DNAH11: variants seen among roughly 807,000 people sequenced by gnomAD.
DNAH11 encodes axonemal beta dynein heavy chain 11.
Under a neutral mutation model 526.0 loss-of-function variants are expected in DNAH11, and 442 were observed. The ratio of observed to expected loss-of-function variants is 0.84; its 90% CI spans 0.78 to 0.91. The LOEUF (loss-of-function observed/expected upper bound fraction) is 0.91. Among genes scored for constraint, DNAH11 ranks in the 40% least tolerant of loss-of-function variants. The pLI is 0.00. For synonymous variants in DNAH11, 2,461 were observed against 1,935.9 expected (o/e 1.27, Z -7.12); for missense variants, 6,989 against 5,448.7 (o/e 1.28, Z -8.90).
At chr7:21,801,040 T>C in intron 61 of DNAH11, 97 bp from the exon 62 acceptor site, 1 of 1,292,798 alleles carries the variant, frequency 7.7e-7, no homozygotes, top group Non-Finnish European at 1.1e-6. Context: ...GGGAAGAGGT[T>C]TGTCCATTTA....
intron 76 of DNAH11, 144 bp downstream of exon 76, chr7:21,884,554 A>C (rs1784051487): frequency 4.4e-6 from 4 of 908,088 alleles, no homozygotes. Flanking sequence ...AGAAAAGCGG[A>C]ATCTCGGGTT....
intron 30 of DNAH11, among the ~76,000 whole-genome samples, chr7:21,662,306 A>G (rs1428069953): frequency 2.0e-5 from 3 of 152,114 alleles, no homozygotes; most frequent in Non-Finnish European, 2.9e-5. Flanking sequence ...GAATTTTGTA[A>G]CATGTGTGCC....
intron 68 of DNAH11, among the ~76,000 whole-genome samples, chr7:21,861,212 A>G (rs1355982866): frequency 6.6e-6 from 1 of 152,216 alleles, no homozygotes; most frequent in Admixed American, 6.5e-5. Flanking sequence ...AACATGAAAA[A>G]GCTCTGGCAT....
chr7:21,564,132 GA>G (rs60940743), intron 5 of DNAH11, 53 bp from the exon 6 acceptor site: 22,893 of 1,131,226 alleles, frequency 0.02, no homozygotes, highest in South Asian at 0.026. Context: ...AGTGAATTTA[GA>G]AAAAAAAAAA....
At chr7:21,619,030 C>A in intron 23 of DNAH11, 70 bp from the exon 24 acceptor site, 1 of 1,592,048 alleles carries the variant, frequency 6.3e-7, no homozygotes, top group Non-Finnish European at 8.6e-7. Context: ...ATTCATTTCA[C>A]CAGCCTTTAG....
intron 61 of DNAH11, among the ~76,000 whole-genome samples, chr7:21,789,660 G>T (rs969386615): frequency 6.6e-6 from 1 of 152,030 alleles, no homozygotes; most frequent in East Asian, 1.9e-4. Context: ...TTATATCTTG[G>T]CTCCACTGTT....
intron 74 of DNAH11, 129 bp downstream of exon 74, chr7:21,873,630 G>A: frequency 1.2e-6 from 1 of 827,356 alleles, no homozygotes; most frequent in Non-Finnish European, 1.9e-6. Flanking sequence ...CATGTGGAAG[G>A]GTAGGGGTGG....
At chr7:21,871,297 C>T (rs955721209) in intron 73 of DNAH11, among the ~76,000 whole-genome samples, 2 of 152,212 alleles carry the variant, frequency 1.3e-5, no homozygotes, top group Non-Finnish European at 2.9e-5. Flanking sequence ...ATTTTTCATG[C>T]ATTTCCAAGA....
chr7:21,739,115 A>C (rs761579493), intron 47 of DNAH11, among the ~76,000 whole-genome samples: 4 of 152,142 alleles, frequency 2.6e-5, no homozygotes, highest in Non-Finnish European at 4.4e-5. Flanking sequence ...TGTCTCAGAA[A>C]TGTTAAGACT....
In DNAH11 at chr7:21,601,625, G is replaced by T. The variant is rs756480157; in HGVS notation, c.3648+7G>T. On this transcript the variant is annotated splice_region_variant and intron_variant, in intron 18 of 81. Coordinates refer to ENST00000409508, the MANE Select transcript of DNAH11 (RefSeq NM_001277115.2). ...GGTCTATATTCAGCTAGAGGTAAGTGCAGAGGTGAAATAATCATAATTACC... is the reference window on the plus strand; with the variant it reads ...GGTCTATATTCAGCTAGAGGTAAGTTCAGAGGTGAAATAATCATAATTACC... The T allele has an allele frequency of 4.7e-5, 73 of 1,537,862 alleles. No individual in the cohort carries two copies. The highest frequency in any genetic ancestry group is 6.1e-5 in the Non-Finnish European group (70 of 1,139,928).
chr7:21,895,967 G>C (rs1266725462), intron 79 of DNAH11, among the ~76,000 whole-genome samples: 1 of 152,070 alleles, frequency 6.6e-6, no homozygotes, highest in Non-Finnish European at 1.5e-5. Flanking sequence ...CTGACCTCAT[G>C]ATCTGCCCGC....
In DNAH11 at chr7:21,601,055, G is replaced by A. The variant is rs770039475; in HGVS notation, c.3301G>A (p.Asp1101Asn). 3 of 1,611,626 alleles carry A rather than the reference G, an allele frequency of 1.9e-6. No individual in the cohort carries two copies. Among genetic ancestry groups the A allele is most frequent in the Non-Finnish European group, 2.5e-6 (3 of 1,179,470 alleles). ...ALYVQMSKFEDFRVFDSWFKV... is the reference protein window; with the variant it reads ...ALYVQMSKFENFRVFDSWFKV... The stretch of plus-strand genomic sequence containing the variant: ...GTATGTTCAAATGAGCAAATTTGAG[G>A]ACTTTAGAGTGTTTGATAGTTGGTT... Residue 1101 changes from aspartate (D) to asparagine (N), a missense_variant, in exon 17 of 82, where the codon GAC (aspartate) becomes AAC (asparagine). Coordinates refer to ENST00000409508, the MANE Select transcript of DNAH11 (RefSeq NM_001277115.2).
At chr7:21,588,403 T>C in intron 10 of DNAH11, 109 bp from the exon 11 acceptor site, 10 of 1,409,360 alleles carry the variant, frequency 7.1e-6, no homozygotes, top group Non-Finnish European at 9.7e-6. Flanking sequence ...TAAACACATA[T>C]GTTTTATACT....
intron 68 of DNAH11, among the ~76,000 whole-genome samples, chr7:21,859,069 G>C (rs116844428): frequency 0.04 from 6,008 of 151,998 alleles, 157 homozygotes; most frequent in South Asian, 0.14. Context: ...TTAACTTCAG[G>C]CTATGTGTAT....
chr7:21,576,730 C>A (rs971678747), intron 8 of DNAH11, among the ~76,000 whole-genome samples: 4 of 151,986 alleles, frequency 2.6e-5, no homozygotes, highest in African/African-American at 9.7e-5. Context: ...TTAAGAAAGA[C>A]AGAATTCTTA....
intron 20 of DNAH11, among the ~76,000 whole-genome samples, chr7:21,611,884 G>C (rs1001217282): frequency 2.8e-4 from 42 of 152,206 alleles, no homozygotes; most frequent in Admixed American, 2.6e-4. Flanking sequence ...TATTTATAGT[G>C]AACCATCACT....
Position 21,591,349 on chromosome 7 carries a change from C to T in DNAH11, c.2439C>T (p.Ile813=), listed in dbSNP as rs777520840. The T allele has an allele frequency of 6.2e-6, 10 of 1,613,696 alleles. No individual in the cohort carries two copies. The highest frequency in any genetic ancestry group is 1.3e-5 in the African/African-American group (1 of 75,026). The change falls in exon 14 of 82, where the codon ATC becomes ATT. Residue 813 remains isoleucine, a synonymous_variant. Coordinates refer to ENST00000409508, the MANE Select transcript of DNAH11 (RefSeq NM_001277115.2). ...GGCAGGATGACTGCTGGGGCTACAT[C>T]GAGAGGGTGAGGGCAGCCACGTCCG... ...LTWQDDCWGY[I]ERVRAATSEL... is the part of the protein sequence containing the mutation.
chr7:21,662,988 A>G (rs1356652037), intron 30 of DNAH11, among the ~76,000 whole-genome samples: 3 of 151,916 alleles, frequency 2.0e-5, no homozygotes, highest in Non-Finnish European at 4.4e-5. Flanking sequence ...CCACCCCCTA[A>G]TGATTCCCAG....
At chr7:21,610,606 A>C (rs117034499) in intron 20 of DNAH11, among the ~76,000 whole-genome samples, 2 of 152,202 alleles carry the variant, frequency 1.3e-5, no homozygotes, top group African/African-American at 4.8e-5. Context: ...AATAAAAGAT[A>C]ATATTGAAAA....
Sources: gnomAD v4.1 joint callset for allele counts (sites outside exome capture counted in the v4.1 genomes callset) on GRCh38, gnomAD v4.1.1 for gene constraint, MANE v1.5 for transcripts, NCBI Gene and HGNC (gene_info 2026-07-23, HGNC 2026-07-21) for gene names.